BTBD9: variants seen among roughly 807,000 people sequenced by gnomAD.
The protein encoded by BTBD9 is BTB domain containing 9.
Under a neutral mutation model 64.3 loss-of-function variants are expected in BTBD9, and 49 were observed. The ratio of observed to expected loss-of-function variants is 0.76; its 90% CI spans 0.61 to 0.97. BTBD9 has a LOEUF of 0.97. Among genes scored for constraint, BTBD9 ranks in the 50% least tolerant of loss-of-function variants. The pLI, the probability that BTBD9 is intolerant of heterozygous loss-of-function variation, is 0.00. For missense variants in BTBD9, 598 were observed against 762.1 expected (o/e 0.78, Z 2.53); for synonymous variants, 260 against 274.7 (o/e 0.95, Z 0.53).
intron 6 of BTBD9, among the ~76,000 whole-genome samples, chr6:38,574,129 G>A (rs1402279043): frequency 3.3e-5 from 5 of 152,092 alleles, no homozygotes; most frequent in East Asian, 1.9e-4. Flanking sequence ...CTTAACTCAC[G>A]AACATTCCTA....
At chr6:38,616,788 C>T (rs552695622) in intron 1 of BTBD9, among the ~76,000 whole-genome samples, 13 of 152,268 alleles carry the variant, frequency 8.5e-5, no homozygotes, top group African/African-American at 1.2e-4. Context: ...TCCCCTTCCA[C>T]GCTGTGGAAG....
chr6:38,612,046 T>C lies in BTBD9; in HGVS notation c.-27-13925A>G, dbSNP rs139668764. ...TCCTGAGAATCAACACCTTAAAATC[T>C]CTACATATCACTATTCAATTTTTCC... On this transcript the variant is annotated intron_variant, in intron 1 of 10. Coordinates refer to ENST00000481247, the MANE Select transcript of BTBD9 (RefSeq NM_001099272.2). Among the ~76,000 whole-genome samples, 272 of 152,266 alleles carry C rather than the reference T, an allele frequency of 1.8e-3. 2 individuals carry two copies. Among genetic ancestry groups the C allele is most frequent in the African/African-American group, 6.4e-3 (265 of 41,558 alleles).
At chr6:38,305,114 C>T (rs912134054) in intron 7 of BTBD9, among the ~76,000 whole-genome samples, 1 of 152,008 alleles carries the variant, frequency 6.6e-6, no homozygotes, top group Non-Finnish European at 1.5e-5. Flanking sequence ...TGGCGCTTAA[C>T]CTTGCTTAAC....
At chr6:38,317,173 T>C (rs1763059394) in intron 7 of BTBD9, among the ~76,000 whole-genome samples, 1 of 152,004 alleles carries the variant, frequency 6.6e-6, no homozygotes, top group South Asian at 2.1e-4. Context: ...TTTTTGGTAT[T>C]TTTAGTAGAG....
At chr6:38,415,528 G>C (rs1010808997) in intron 6 of BTBD9, among the ~76,000 whole-genome samples, 2 of 152,144 alleles carry the variant, frequency 1.3e-5, no homozygotes, top group Non-Finnish European at 2.9e-5. Context: ...CAGAACTCCA[G>C]GATAATTATT....
At position 38,592,526 on chromosome 6, in the gene BTBD9, G is replaced by A. The variant is rs776272355; in HGVS notation, c.814+50C>T. On this transcript the variant is annotated intron_variant, in intron 4 of 10. Transcript: ENST00000481247. ...AGTAGCTTTGCGGTTTTAATGGCAT[G>A]AGAGGCATACCAAGCTTCTTGGTTG... 2.1e-5 allele frequency: 33 copies of A among 1,597,918 alleles called. No homozygotes were observed. In the Admixed American group the frequency reaches 5.6e-4, roughly 27 times the overall value.
chr6:38,202,094 T>C (rs567879504), intron 9 of BTBD9, among the ~76,000 whole-genome samples: 1 of 149,758 alleles, frequency 6.7e-6, no homozygotes, highest in South Asian at 2.1e-4. Context: ...TGTTTTTTTT[T>C]TTTTTTTTTG....
At chr6:38,176,477 G>A (rs1351985430) in intron 10 of BTBD9, among the ~76,000 whole-genome samples, 1 of 152,156 alleles carries the variant, frequency 6.6e-6, no homozygotes, top group Admixed American at 6.5e-5. Flanking sequence ...TCTCCTTATA[G>A]GGCAGGGGCT....
intron 6 of BTBD9, among the ~76,000 whole-genome samples, chr6:38,501,853 A>AC (rs1344370703): frequency 1.3e-5 from 2 of 152,130 alleles, no homozygotes; most frequent in Admixed American, 1.3e-4. Context: ...TTAAATAGTT[A>AC]TTTTTCATCA....
intron 7 of BTBD9, among the ~76,000 whole-genome samples, chr6:38,317,326 C>G (rs1318815619): frequency 6.6e-6 from 1 of 152,182 alleles, no homozygotes; most frequent in Non-Finnish European, 1.5e-5. Flanking sequence ...TCATGCCACT[C>G]TCTTCTGGCC....
chr6:38,528,136 T>C (rs1228102694), intron 6 of BTBD9, among the ~76,000 whole-genome samples: 2 of 152,088 alleles, frequency 1.3e-5, no homozygotes, highest in East Asian at 3.9e-4. Context: ...GTAGTGACTG[T>C]GGGACTTTGC....
intron 6 of BTBD9, among the ~76,000 whole-genome samples, chr6:38,347,419 A>C (rs1360769273): frequency 6.6e-6 from 1 of 152,230 alleles, no homozygotes; most frequent in Non-Finnish European, 1.5e-5. Flanking sequence ...CCTTTTGATC[A>C]GCCTGTTATA....
chr6:38,449,102 A>G (rs544711795), intron 6 of BTBD9, among the ~76,000 whole-genome samples: 4 of 152,322 alleles, frequency 2.6e-5, no homozygotes, highest in Admixed American at 2.6e-4. Context: ...GCATCTGTTC[A>G]GCTTACAGAA....
chr6:38,251,454 AG>A (rs1764399705), intron 9 of BTBD9, among the ~76,000 whole-genome samples: 1 of 151,872 alleles, frequency 6.6e-6, no homozygotes, highest in African/African-American at 2.4e-5. Flanking sequence ...TAGTAGAGAC[AG>A]GGCTTCATCA....
At chr6:38,206,350 T>C (rs1762650699) in intron 9 of BTBD9, among the ~76,000 whole-genome samples, 1 of 151,806 alleles carries the variant, frequency 6.6e-6, no homozygotes, top group Non-Finnish European at 1.5e-5. Flanking sequence ...CAAGCAATTC[T>C]CTGCCTCAGC....
At chr6:38,228,680 C>T (rs1198200417) in intron 9 of BTBD9, among the ~76,000 whole-genome samples, 2 of 150,554 alleles carry the variant, frequency 1.3e-5, no homozygotes, top group Admixed American at 1.3e-4. Context: ...TCGAGACCAC[C>T]CTGGCTAACA....
At chr6:38,470,122 T>C (rs1770582048) in intron 6 of BTBD9, among the ~76,000 whole-genome samples, 1 of 152,212 alleles carries the variant, frequency 6.6e-6, no homozygotes, top group Admixed American at 6.5e-5. Flanking sequence ...TTTCAATTCC[T>C]TATTAAAGAC....
Position 38,577,863 on chromosome 6 carries a change from GA to G in BTBD9, c.1035-145del, listed in dbSNP as rs753170668. The G allele has an allele frequency of 1.4e-3, 1,061 of 761,066 alleles. 2 individuals are homozygous for G. The highest frequency in any genetic ancestry group is 1.8e-3 in the Non-Finnish European group (880 of 478,544). 47.1% of individuals were successfully genotyped at this position (761,066 alleles called of 1,614,324 possible). Reference sequence around the variant, plus strand: ...ACATAATCAAATTCTAATAACAAAAGAATGTTATGATAGCATTCACCTACAA... The same window carrying G: ...ACATAATCAAATTCTAATAACAAAAGATGTTATGATAGCATTCACCTACAA... On this transcript the variant is annotated intron_variant, in intron 5 of 10. Transcript: ENST00000481247.
At chr6:38,312,146 C>T (rs910661055) in intron 7 of BTBD9, among the ~76,000 whole-genome samples, 2 of 151,868 alleles carry the variant, frequency 1.3e-5, no homozygotes, top group Non-Finnish European at 2.9e-5. Flanking sequence ...CAGGAGTGAG[C>T]CACCATGCCC....
Sources: allele counts gnomAD v4.1 joint callset (sites outside exome capture counted in the v4.1 genomes callset), GRCh38; gene constraint gnomAD v4.1.1; transcripts MANE v1.5; gene names NCBI Gene and HGNC (gene_info 2026-07-23, HGNC 2026-07-21).